ST6GALNAC5: variants seen among roughly 807,000 people sequenced by gnomAD.
ST6GALNAC5 encodes the protein alpha-N-acetylgalactosaminide alpha-2,6-sialyltransferase 5.
ST6GALNAC5 carries 27 observed loss-of-function variants against 33.6 expected under a neutral mutation model. That is an observed-to-expected ratio of 0.80 (90% CI 0.59 to 1.11). The LOEUF (loss-of-function observed/expected upper bound fraction) is 1.11. Among genes scored for constraint, ST6GALNAC5 ranks in the 50% least tolerant of loss-of-function variants. The pLI is 0.00. For synonymous variants in ST6GALNAC5, 194 were observed against 171.2 expected (o/e 1.13, Z -1.04); for missense variants, 428 against 454.0 (o/e 0.94, Z 0.52).
intron 2 of ST6GALNAC5, among the ~76,000 whole-genome samples, chr1:76,985,414 C>T (rs972003639): frequency 2.0e-5 from 3 of 152,044 alleles, no homozygotes; most frequent in Non-Finnish European, 4.4e-5. Flanking sequence ...TTCACAATTG[C>T]TACAAAGAGA....
At position 77,065,733 on chromosome 1, in the gene ST6GALNAC5, A is replaced by G. The variant is rs945122386; in HGVS notation, c.*2527A>G. The G allele has an allele frequency of 1.3e-5, 2 of 152,214 alleles. No homozygotes were observed. Among genetic ancestry groups the G allele is most frequent in the Non-Finnish European group, 2.9e-5 (2 of 68,026 alleles). The allele number at this position is 152,214 out of a possible 1,614,324, so 9.4% of individuals were successfully genotyped here. A position where few individuals can be genotyped will look rare whatever the true frequency, so the allele number is the denominator to read the frequency against. On this transcript the variant is annotated 3_prime_UTR_variant, in exon 5 of 5. Transcript: ENST00000477717. Reference sequence around the variant, plus strand: ...AAAAGATGACTACAGAACCATGTTTATAGACCTCGGTGATTTCAGTATCTG... The same window carrying G: ...AAAAGATGACTACAGAACCATGTTTGTAGACCTCGGTGATTTCAGTATCTG...
chr1:76,991,797 A>G (rs1649739286), intron 2 of ST6GALNAC5, among the ~76,000 whole-genome samples: 1 of 151,742 alleles, frequency 6.6e-6, no homozygotes, highest in Non-Finnish European at 1.5e-5. Context: ...CTAACTCATT[A>G]TCTTAAGCAT....
At chr1:76,899,775 G>A (rs1472494254) in intron 2 of ST6GALNAC5, among the ~76,000 whole-genome samples, 1 of 152,180 alleles carries the variant, frequency 6.6e-6, no homozygotes, top group East Asian at 1.9e-4. Flanking sequence ...AAAGAAGAAA[G>A]ACGTTGAGGG....
intron 2 of ST6GALNAC5, among the ~76,000 whole-genome samples, chr1:76,932,524 C>T (rs1647155501): frequency 6.6e-6 from 1 of 152,034 alleles, no homozygotes; most frequent in Non-Finnish European, 1.5e-5. Context: ...AGGGAAAGCT[C>T]ACTAAACACA....
intron 2 of ST6GALNAC5, among the ~76,000 whole-genome samples, chr1:77,034,197 G>GGGATACTTGCATCTTCCTTGC (rs1651566550): frequency 6.6e-6 from 1 of 152,070 alleles, no homozygotes; most frequent in Non-Finnish European, 1.5e-5. Context: ...AAGCTCTAGG[G>GGGATACTTGCATCTTCCTTGC]AATGATACTT....
At chr1:76,947,857 T>C (rs1180958164) in intron 2 of ST6GALNAC5, among the ~76,000 whole-genome samples, 1 of 152,140 alleles carries the variant, frequency 6.6e-6, no homozygotes, top group Non-Finnish European at 1.5e-5. Context: ...GACACACTCA[T>C]ATTCCTAAGA....
At chr1:77,004,196 T>C (rs2100414934) in intron 2 of ST6GALNAC5, among the ~76,000 whole-genome samples, 2 of 151,492 alleles carry the variant, frequency 1.3e-5, no homozygotes, top group South Asian at 4.2e-4. Flanking sequence ...CATTTCTTTT[T>C]ATTCTTTTTT....
At chr1:76,870,590 A>G (rs937845143) in intron 2 of ST6GALNAC5, among the ~76,000 whole-genome samples, 9 of 152,358 alleles carry the variant, frequency 5.9e-5, no homozygotes, top group African/African-American at 2.2e-4. Flanking sequence ...TTTGTTTATC[A>G]GAGCTTTATT....
intron 2 of ST6GALNAC5, among the ~76,000 whole-genome samples, chr1:77,025,384 T>G (rs1651192162): frequency 6.6e-6 from 1 of 151,976 alleles, no homozygotes; most frequent in African/African-American, 2.4e-5. Flanking sequence ...AACACAAAAA[T>G]TAGCCAGGTG....
intron 2 of ST6GALNAC5, among the ~76,000 whole-genome samples, chr1:76,955,581 A>C (rs573765735): frequency 6.6e-6 from 1 of 152,180 alleles, no homozygotes; most frequent in Admixed American, 6.6e-5. Context: ...GATGACTCTG[A>C]AAGTGTTTAC....
intron 4 of ST6GALNAC5, among the ~76,000 whole-genome samples, chr1:77,058,960 A>C (rs1652487539): frequency 6.6e-6 from 1 of 152,240 alleles, no homozygotes; most frequent in Admixed American, 6.5e-5. Context: ...GGTACTTACA[A>C]AATCAGTTGT....
intron 2 of ST6GALNAC5, among the ~76,000 whole-genome samples, chr1:77,003,549 TC>T (rs1420939856): frequency 1.3e-5 from 2 of 151,776 alleles, no homozygotes; most frequent in Non-Finnish European, 2.9e-5. Flanking sequence ...GTTAGCTGGT[TC>T]TTTTGCTCAT....
At chr1:77,015,760 GA>G (rs1415081908) in intron 2 of ST6GALNAC5, among the ~76,000 whole-genome samples, 2 of 152,028 alleles carry the variant, frequency 1.3e-5, no homozygotes, top group Admixed American at 1.3e-4. Context: ...AAGCAGGAGT[GA>G]ACCAGGTGGA....
chr1:77,020,941 G>A (rs1651031968), intron 2 of ST6GALNAC5, among the ~76,000 whole-genome samples: 1 of 152,168 alleles, frequency 6.6e-6, no homozygotes, highest in Non-Finnish European at 1.5e-5. Context: ...GTTCCGCACA[G>A]CATGGCTGCT....
At chr1:76,870,659 T>A (rs1396177019) in intron 2 of ST6GALNAC5, among the ~76,000 whole-genome samples, 1 of 152,190 alleles carries the variant, frequency 6.6e-6, no homozygotes, top group Non-Finnish European at 1.5e-5. Context: ...ATACCCTACA[T>A]GGGAAATTGA....
At chr1:76,967,862 G>A (rs974375502) in intron 2 of ST6GALNAC5, among the ~76,000 whole-genome samples, 6 of 152,156 alleles carry the variant, frequency 3.9e-5, no homozygotes, top group African/African-American at 1.4e-4. Flanking sequence ...TCAGGAGCAG[G>A]TTGTTCAGTT....
chr1:77,038,949 T>C (rs1164178525), intron 2 of ST6GALNAC5, among the ~76,000 whole-genome samples: 1 of 152,196 alleles, frequency 6.6e-6, no homozygotes, highest in East Asian at 1.9e-4. Context: ...TTCTAAAATA[T>C]TCATGAGTCC....
intron 2 of ST6GALNAC5, among the ~76,000 whole-genome samples, chr1:76,911,978 G>A (rs984461878): frequency 2.6e-5 from 4 of 152,068 alleles, no homozygotes; most frequent in African/African-American, 9.7e-5. Flanking sequence ...TTTTGAATGT[G>A]TTCGCCCTTG....
At chr1:76,882,713 C>T (rs1012634771) in intron 2 of ST6GALNAC5, among the ~76,000 whole-genome samples, 2 of 152,154 alleles carry the variant, frequency 1.3e-5, no homozygotes, top group South Asian at 2.1e-4. Context: ...TATGAGACAT[C>T]TCCATTGACT....
Sources: allele counts gnomAD v4.1 joint callset (sites outside exome capture counted in the v4.1 genomes callset), GRCh38; gene constraint gnomAD v4.1.1; transcripts MANE v1.5; gene names NCBI Gene and HGNC (gene_info 2026-07-23, HGNC 2026-07-21).